Variants in CASK observed in about 807,000 individuals in gnomAD.
The protein encoded by CASK is peripheral plasma membrane protein CASK.
A neutral mutation model predicts 82.9 loss-of-function variants in CASK; 4 were observed. The observed-to-expected ratio is 0.05, with a 90% CI of 0.02 to 0.11. The LOEUF (loss-of-function observed/expected upper bound fraction) is 0.11. Ranked by LOEUF, CASK falls within the 10% of genes least tolerant of loss-of-function variation. The pLI, the probability that CASK is intolerant of heterozygous loss-of-function variation, is 1.00. For synonymous variants in CASK, 259 were observed against 253.5 expected, an observed-to-expected ratio of 1.02 and a Z score of -0.20; for missense variants, 358 against 720.9, an observed-to-expected ratio of 0.50 and a Z score of 5.76.
chrX:41,787,851 A>G (rs2069643035), intron 2 of CASK, among the ~76,000 whole-genome samples: 1 of 111,325 alleles, frequency 9.0e-6, no homozygotes, highest in African/African-American at 3.3e-5. Context: ...AATTTTTAAA[A>G]TATCATTTAT....
chrX:41,707,146 C>G (rs887674531), intron 5 of CASK, among the ~76,000 whole-genome samples: 1 of 112,368 alleles, frequency 8.9e-6, no homozygotes, highest in Non-Finnish European at 1.9e-5. Flanking sequence ...AGTCTACTTT[C>G]CCAGTTGAAT....
At chrX:41,666,063 ATAGT>A (rs949717130) in intron 6 of CASK, among the ~76,000 whole-genome samples, 4 of 112,486 alleles carry the variant, frequency 3.6e-5, no homozygotes, top group African/African-American at 6.5e-5. Flanking sequence ...GCAATTAACA[ATAGT>A]TAGTAATATT....
chrX:41,669,583 A>T (rs191164679), intron 6 of CASK, among the ~76,000 whole-genome samples: 1 of 112,369 alleles, frequency 8.9e-6, no homozygotes, highest in African/African-American at 3.2e-5. Flanking sequence ...CATAGAAATG[A>T]TCTGTATAAG....
intron 2 of CASK, among the ~76,000 whole-genome samples, chrX:41,813,864 A>G (rs1239960871): frequency 2.9e-4 from 33 of 112,166 alleles, no homozygotes; most frequent in African/African-American, 9.7e-5. Flanking sequence ...GCTAATATCC[A>G]GAATCTACAA....
chrX:41,820,057 T>G (rs2070500985), intron 2 of CASK, among the ~76,000 whole-genome samples: 1 of 111,014 alleles, frequency 9.0e-6, no homozygotes, highest in Non-Finnish European at 1.9e-5. Flanking sequence ...TCATACAGAA[T>G]GGAAAGAAAT....
chrX:41,823,520 T>C (rs1333143730), intron 2 of CASK, among the ~76,000 whole-genome samples: 2 of 110,900 alleles, frequency 1.8e-5, no homozygotes, highest in Non-Finnish European at 3.8e-5. Flanking sequence ...CCCCATTCCT[T>C]CCTCTGCCTA....
chrX:41,726,299 GT>G (rs1157374739), intron 5 of CASK, among the ~76,000 whole-genome samples: 1 of 112,118 alleles, frequency 8.9e-6, no homozygotes, highest in African/African-American at 3.2e-5. Flanking sequence ...AAGTATGACA[GT>G]TTAACATTAA....
intron 2 of CASK, among the ~76,000 whole-genome samples, chrX:41,793,197 A>G (rs1298985339): frequency 9.0e-6 from 1 of 111,582 alleles, no homozygotes; most frequent in Non-Finnish European, 1.9e-5. Context: ...TGTTACTGTA[A>G]TAACCCTGCA....
chrX:41,818,145 CTGTGTGTGTGTGTGTGTGTG>C (rs59931187), intron 2 of CASK, among the ~76,000 whole-genome samples: 27 of 85,423 alleles, frequency 3.2e-4, no homozygotes, highest in Admixed American at 1.3e-3. Context: ...AGGAGGCCTT[CTGTGTGTGTGTGTGTGTGTG>C]TGTGTGTGTG....
chrX:41,588,175 C>CTGT (rs1262346992), intron 13 of CASK: 1 of 112,298 alleles, frequency 8.9e-6, no homozygotes, highest in African/African-American at 3.2e-5. Flanking sequence ...GCTGGTTATG[C>CTGT]TGTTAATTCA....
At chrX:41,784,047 C>G (rs910950326) in intron 3 of CASK, among the ~76,000 whole-genome samples, 1 of 112,161 alleles carries the variant, frequency 8.9e-6, no homozygotes. Flanking sequence ...GACACATGAA[C>G]TAGGATATTT....
At chrX:41,918,612 A>G (rs2072731716) in intron 1 of CASK, among the ~76,000 whole-genome samples, 1 of 112,521 alleles carries the variant, frequency 8.9e-6, no homozygotes, top group South Asian at 3.6e-4. Context: ...GGATCTTAAA[A>G]GGCCCAAGAA....
At chrX:41,679,800 T>C (rs1341391732) in intron 5 of CASK, among the ~76,000 whole-genome samples, 3 of 112,321 alleles carry the variant, frequency 2.7e-5, no homozygotes, top group African/African-American at 9.7e-5. Context: ...ATAACTTCCT[T>C]GCTTTCAGTC....
chrX:41,637,682 C>CCA lies in CASK; in HGVS notation c.832-1022_832-1021insTG, dbSNP rs1569358153. Among the ~76,000 whole-genome samples the CCA allele has an allele frequency of 7.1e-3, 774 of 109,182 alleles. 10 individuals are homozygous for CCA. The highest frequency in any genetic ancestry group is 0.024 in the African/African-American group (737 of 30,094). The allele number at this position is 109,182 out of a possible 115,157, so 94.8% of individuals were successfully genotyped here. A position where few individuals can be genotyped will look rare whatever the true frequency, so the allele number is the denominator to read the frequency against. The stretch of plus-strand genomic sequence containing the variant: ...TTTTAGAGACAGGGTCTCATTCTGT[C>CCA]GCCCAGGCTGGAGTGCAGTGGTGAG... On this transcript the variant is annotated intron_variant, in intron 8 of 26. Coordinates refer to ENST00000378163, the MANE Select transcript of CASK (RefSeq NM_001367721.1).
At chrX:41,522,428 A>G (rs1198182655) in intron 26 of CASK, 3 of 112,046 alleles carry the variant, frequency 2.7e-5, no homozygotes, top group South Asian at 3.7e-4. Context: ...TACAGTGTAG[A>G]TAAGACCCCA....
At chrX:41,611,443 G>A (rs2066042656) in intron 11 of CASK, among the ~76,000 whole-genome samples, 1 of 111,329 alleles carries the variant, frequency 9.0e-6, no homozygotes, top group African/African-American at 3.3e-5. Flanking sequence ...TATATATAAT[G>A]ATATTATCAT....
chrX:41,686,265 T>C (rs2067438255), intron 5 of CASK, among the ~76,000 whole-genome samples: 1 of 110,436 alleles, frequency 9.1e-6, no homozygotes, highest in Non-Finnish European at 1.9e-5. Flanking sequence ...AATTTTTGTG[T>C]TTTTAGTAGA....
At chrX:41,877,138 G>A (rs2071840557) in intron 1 of CASK, among the ~76,000 whole-genome samples, 1 of 111,661 alleles carries the variant, frequency 9.0e-6, no homozygotes, top group African/African-American at 3.3e-5. Context: ...TAAGGCACTG[G>A]AGGTTTATTC....
intron 2 of CASK, among the ~76,000 whole-genome samples, chrX:41,846,482 A>G (rs2071158024): frequency 9.0e-6 from 1 of 110,701 alleles, no homozygotes; most frequent in African/African-American, 3.3e-5. Flanking sequence ...AGGGATGGTT[A>G]ATGGGTACAA....
Sources: gnomAD v4.1 joint callset for allele counts (sites outside exome capture counted in the v4.1 genomes callset) on GRCh38, gnomAD v4.1.1 for gene constraint, MANE v1.5 for transcripts, NCBI Gene and HGNC (gene_info 2026-07-23, HGNC 2026-07-21) for gene names.